GFM2: variants seen among roughly 807,000 people sequenced by gnomAD.
GFM2 encodes the protein GTP dependent ribosome recycling factor mitochondrial 2.
A neutral mutation model predicts 95.4 loss-of-function variants in GFM2; 72 were observed. The ratio of observed to expected loss-of-function variants is 0.76; its 90% CI spans 0.62 to 0.92. The LOEUF (loss-of-function observed/expected upper bound fraction) is 0.92, where lower values mean the gene tolerates loss of function less well. Among genes scored for constraint, GFM2 ranks in the 40% least tolerant of loss-of-function variants. The probability of loss-of-function intolerance (pLI) is 0.00; values close to 1 mark genes in which losing one functional copy is unlikely to be tolerated. For synonymous variants in GFM2, 276 were observed against 317.5 expected, an observed-to-expected ratio of 0.87 and a Z score of 1.39; for missense variants, 825 against 924.1, an observed-to-expected ratio of 0.89 and a Z score of 1.39.
At chr5:74,736,383 A>C (rs1032526861) in intron 15 of GFM2, 54 of 984,510 alleles carry the variant, frequency 5.5e-5, no homozygotes, top group Admixed American at 1.8e-4. Flanking sequence ...GATTATCCAC[A>C]GTATATAAAT....
rs772073181 is a variant in GFM2 at position 74,730,411 on chromosome 5, G to A, written c.1588-13C>T. 1.3e-6 allele frequency: 2 copies of A among 1,548,054 alleles called. No individual in the cohort carries two copies. The highest frequency in any genetic ancestry group is 1.2e-5 in the South Asian group (1 of 81,736). On this transcript the variant is annotated splice_polypyrimidine_tract_variant and intron_variant, in intron 16 of 20. Transcript: ENST00000296805. Reference sequence around the variant, plus strand: ...CACACAGAACAGTCTGGTTACCAGAGGAATGAAATAAAAGATTAAGGGTAA... The same window carrying A: ...CACACAGAACAGTCTGGTTACCAGAAGAATGAAATAAAAGATTAAGGGTAA...
intron 16 of GFM2, among the ~76,000 whole-genome samples, chr5:74,731,298 A>T (rs1742548764): frequency 6.6e-6 from 1 of 152,194 alleles, no homozygotes; most frequent in Non-Finnish European, 1.5e-5. Context: ...TTGAACCTTC[A>T]TATGAGGGAG....
At chr5:74,746,377 C>A (rs990938078) in intron 8 of GFM2, among the ~76,000 whole-genome samples, 2 of 152,146 alleles carry the variant, frequency 1.3e-5, no homozygotes, top group African/African-American at 4.8e-5. Context: ...AGTAATTACC[C>A]TAATCCAGCC....
At chr5:74,738,459 G>T in intron 13 of GFM2, 42 bp from the exon 14 acceptor site, 1 of 1,610,422 alleles carries the variant, frequency 6.2e-7, no homozygotes, top group Non-Finnish European at 8.5e-7. Flanking sequence ...TATTTTTAAA[G>T]AAGTGCATAC....
Position 74,757,584 on chromosome 5 carries a change from C to A in GFM2, c.304+1265G>T, listed in dbSNP as rs6862623. Reference sequence around the variant, plus strand: ...TCTCTACCAAAAATACAAAAGTTAGCCAAGTGTGGTGGCACCTGCCTGTAG... The same window carrying A: ...TCTCTACCAAAAATACAAAAGTTAGACAAGTGTGGTGGCACCTGCCTGTAG... On this transcript the variant is annotated intron_variant, in intron 5 of 20. Coordinates refer to ENST00000296805, the MANE Select transcript of GFM2 (RefSeq NM_032380.5). Among the ~76,000 whole-genome samples, 34 of 151,892 alleles carry A rather than the reference C, an allele frequency of 2.2e-4. No individual in the cohort carries two copies. The East Asian group carries it at 5.6e-3, about 25-fold the overall frequency.
chr5:74,764,755 T>C (rs938681935), intron 1 of GFM2, among the ~76,000 whole-genome samples: 7 of 151,320 alleles, frequency 4.6e-5, no homozygotes, highest in African/African-American at 1.7e-4. Flanking sequence ...TTCCTAAATA[T>C]ATTTGAATCT....
chr5:74,736,549 T>C, intron 15 of GFM2: 3 of 1,330,872 alleles, frequency 2.3e-6, no homozygotes, highest in Non-Finnish European at 1.9e-6. Context: ...ATCCCATAGA[T>C]AGCACTACAA....
At chr5:74,759,193 T>TA (rs1172787558) in intron 4 of GFM2, among the ~76,000 whole-genome samples, 176 bp downstream of exon 4, 1 of 151,914 alleles carries the variant, frequency 6.6e-6, no homozygotes, top group African/African-American at 2.4e-5. Flanking sequence ...GTTGTTACAT[T>TA]AAAAATTTTT....
At chr5:74,755,751 AGGACCAGAT>A (rs1743946766) in intron 5 of GFM2, among the ~76,000 whole-genome samples, 1 of 152,228 alleles carries the variant, frequency 6.6e-6, no homozygotes, top group African/African-American at 2.4e-5. Flanking sequence ...AAAAAAGTCT[AGGACCAGAT>A]GGATTTGCAG....
chr5:74,763,649 A>G, intron 2 of GFM2, 31 bp downstream of exon 2: 1 of 1,309,814 alleles, frequency 7.6e-7, no homozygotes, highest in Non-Finnish European at 1.1e-6. Flanking sequence ...GAGGTTGTTA[A>G]AGGACACTTA....
intron 14 of GFM2, 23 bp downstream of exon 14, chr5:74,738,295 A>G: frequency 6.4e-7 from 1 of 1,557,700 alleles, no homozygotes. Flanking sequence ...GTTATTTCCT[A>G]GAGAAATCAT....
chr5:74,763,702 G>C lies in GFM2; in HGVS notation c.41C>G (p.Thr14Arg), dbSNP rs751466096. 1 of 1,595,860 alleles carries C rather than the reference G, an allele frequency of 6.3e-7. No homozygotes were observed. Among genetic ancestry groups the C allele is most frequent in the Non-Finnish European group, 8.6e-7 (1 of 1,164,050 alleles). Residue 14 changes from threonine (T) to arginine (R), a missense_variant, in exon 2 of 21, where the codon ACA (threonine) becomes AGA (arginine). Physicochemically the swap from Thr to Arg is moderately conservative, Grantham distance 71. Coordinates refer to ENST00000296805, the MANE Select transcript of GFM2 (RefSeq NM_032380.5). ...NLRIFAMSHQ[T>R]IPSVYINNIC... The stretch of plus-strand genomic sequence containing the variant: ...TACATTAATATACACACTGGGTATT[G>C]TCTGATGACTCATTGCAAATATCCT...
At chr5:74,732,966 ACACACACACACACT>A in intron 16 of GFM2, 42 bp downstream of exon 16, 1 of 915,798 alleles carries the variant, frequency 1.1e-6, no homozygotes, top group Non-Finnish European at 1.8e-6. Flanking sequence ...ACACACACAC[ACACACACACACACT>A]CTTATAGAAA....
Position 74,747,797 on chromosome 5 carries a change from G to A in GFM2, c.520-17C>T, listed in dbSNP as rs762444418. ...AGTCTGGGCCTAAAGCAAAGATGAG[G>A]AAAAAAATACATACTGAACAAAAGT... On this transcript the variant is annotated splice_polypyrimidine_tract_variant and intron_variant, in intron 7 of 20. Transcript: ENST00000296805. 4.2e-6 allele frequency: 6 copies of A among 1,439,656 alleles called. No individual in the cohort carries two copies. Among genetic ancestry groups the A allele is most frequent in the Admixed American group, 1.8e-5 (1 of 56,544 alleles). The allele number at this position is 1,439,656 out of a possible 1,614,324, so 89.2% of individuals were successfully genotyped here. A position where few individuals can be genotyped will look rare whatever the true frequency, so the allele number is the denominator to read the frequency against.
intron 5 of GFM2, 35 bp from the exon 6 acceptor site, chr5:74,751,528 A>T (rs779302200): frequency 6.5e-7 from 1 of 1,540,248 alleles, no homozygotes; most frequent in Admixed American, 1.7e-5. Flanking sequence ...TTTAGTCTTA[A>T]TAGCAAGTGT....
In GFM2 at chr5:74,728,748, C is replaced by CTTTTT. The variant is rs57180600; in HGVS notation, c.1726+1507_1726+1511dup. Among the ~76,000 whole-genome samples, 42 of 58,238 alleles carry CTTTTT rather than the reference C, an allele frequency of 7.2e-4. 9 individuals carry two copies. Among genetic ancestry groups the CTTTTT allele is most frequent in the African/African-American group, 2.4e-3 (39 of 16,244 alleles). The allele number at this position is 58,238 out of a possible 152,430, so 38.2% of individuals were successfully genotyped here. A position where few individuals can be genotyped will look rare whatever the true frequency, so the allele number is the denominator to read the frequency against. On this transcript the variant is annotated intron_variant, in intron 17 of 20. Coordinates refer to ENST00000296805, the MANE Select transcript of GFM2 (RefSeq NM_032380.5). ...AATATTCTTTTATGTGTGGGGGTTT[C>CTTTTT]TTTTTTTTTTTTTTTTTTTTTTTTT...
At position 74,757,821 on chromosome 5, in the gene GFM2, C is replaced by T. The variant is rs754650983; in HGVS notation, c.304+1028G>A. On this transcript the variant is annotated intron_variant, in intron 5 of 20. Transcript: ENST00000296805. ...ATGGATGAACCTTGAGGACACTGTA[C>T]TATGTGAAATAAACCAGTCATAGAA... 2.8e-4 allele frequency among the ~76,000 whole-genome samples: 42 copies of T among 150,338 alleles called. 1 individual carries two copies. The highest frequency in any genetic ancestry group is 7.4e-5 in the Non-Finnish European group (5 of 67,726).
At position 74,739,984 on chromosome 5, in the gene GFM2, C is replaced by T; in HGVS notation, c.1079+5G>A. ...GAATTTTAATATATGTGATTGCATA[C>T]TTACAGAAATTCATAGTTACGCTCT... On this transcript the variant is annotated splice_donor_5th_base_variant and intron_variant, in intron 12 of 20. Transcript: ENST00000296805. The T allele has an allele frequency of 6.6e-7, 1 of 1,509,228 alleles. No homozygotes were observed. The highest frequency in any genetic ancestry group is 8.9e-7 in the Non-Finnish European group (1 of 1,128,644). The allele number at this position is 1,509,228 out of a possible 1,614,324, so 93.5% of individuals were successfully genotyped here. A position where few individuals can be genotyped will look rare whatever the true frequency, so the allele number is the denominator to read the frequency against.
chr5:74,741,529 CT>C lies in GFM2; in HGVS notation c.929del (p.Lys310SerfsTer9). 3 of 1,469,992 alleles carry C rather than the reference CT, an allele frequency of 2.0e-6. No individual in the cohort carries two copies. The highest frequency in any genetic ancestry group is 1.2e-5 in the South Asian group (1 of 82,748). The allele number at this position is 1,469,992 out of a possible 1,614,324, so 91.1% of individuals were successfully genotyped here. The stretch of plus-strand genomic sequence containing the variant: ...AAAGCCATTGAATAATAAAATTTAC[CT>C]TTTCAGCTGGTAACAAATCAAAATT... ...SENFDLLPAEKLQTAIHRVTL... is the reference protein window; with the variant it reads ...SENFDLLPAEXLQTAIHRVTL... On this transcript the variant is annotated frameshift_variant and splice_region_variant, in exon 11 of 21. Transcript: ENST00000296805. LOFTEE classifies it high-confidence loss of function.
Sources: allele counts gnomAD v4.1 joint callset (sites outside exome capture counted in the v4.1 genomes callset), GRCh38; gene constraint gnomAD v4.1.1; transcripts MANE v1.5; gene names NCBI Gene and HGNC (gene_info 2026-07-23, HGNC 2026-07-21).